RYR3: variants seen among roughly 807,000 people sequenced by gnomAD.
The protein encoded by RYR3 is ryanodine receptor 3.
Under a neutral mutation model 584.3 loss-of-function variants are expected in RYR3, and 207 were observed. The observed-to-expected ratio is 0.35, with a 90% CI of 0.32 to 0.40. RYR3 has a LOEUF of 0.40. Ranked by LOEUF, RYR3 falls within the 10% of genes least tolerant of loss-of-function variation. RYR3 has a pLI of 1.00. For synonymous variants in RYR3, 2,416 were observed against 2,248.5 expected, an observed-to-expected ratio of 1.07 and a Z score of -2.11; for missense variants, 5,616 against 6,089.2, an observed-to-expected ratio of 0.92 and a Z score of 2.59.
chr15:33,407,267 A>C (rs1421867191), intron 1 of RYR3, among the ~76,000 whole-genome samples: 2 of 152,256 alleles, frequency 1.3e-5, no homozygotes, highest in African/African-American at 4.8e-5. Flanking sequence ...TGGAGAGGAC[A>C]TAATTGTTCC....
rs542531593 is a variant in RYR3, at chr15:33,432,083, G to C, written c.52-41336G>C. Among the ~76,000 whole-genome samples, 4 of 152,150 alleles carry C rather than the reference G, an allele frequency of 2.6e-5. No individual in the cohort carries two copies. The East Asian group carries it at 7.7e-4, about 29-fold the overall frequency. ...GGCTACTCACAAAATGCTGGCTCTT[G>C]TTTGACTCATAGATGTCTTACAAAT... On this transcript the variant is annotated intron_variant, in intron 1 of 103. Transcript: ENST00000634891.
At chr15:33,471,416 C>CT (rs937724572) in intron 1 of RYR3, among the ~76,000 whole-genome samples, 2 of 151,956 alleles carry the variant, frequency 1.3e-5, no homozygotes, top group Non-Finnish European at 2.9e-5. Flanking sequence ...TGGGATGTGA[C>CT]TTATAGGATG....
intron 16 of RYR3, among the ~76,000 whole-genome samples, chr15:33,589,199 C>T (rs183973331): frequency 1.1e-4 from 17 of 152,294 alleles, no homozygotes; most frequent in South Asian, 8.3e-4. Context: ...GTTTGCACTT[C>T]GCTGATGATT....
chr15:33,487,632 G>A (rs1308722998), intron 2 of RYR3, among the ~76,000 whole-genome samples: 1 of 152,152 alleles, frequency 6.6e-6, no homozygotes, highest in Non-Finnish European at 1.5e-5. Flanking sequence ...CTGTGGTGAG[G>A]TTCTATGGGG....
chr15:33,823,686 A>T (rs1444637659), intron 81 of RYR3, among the ~76,000 whole-genome samples: 1 of 152,214 alleles, frequency 6.6e-6, no homozygotes, highest in Non-Finnish European at 1.5e-5. Context: ...TGGCTCTGAC[A>T]CATAAATAAT....
intron 1 of RYR3, among the ~76,000 whole-genome samples, chr15:33,436,144 T>G (rs1432366012): frequency 2.0e-5 from 3 of 152,222 alleles, no homozygotes. Flanking sequence ...GCAAGTTATA[T>G]TTCAAGGTTG....
intron 50 of RYR3, among the ~76,000 whole-genome samples, chr15:33,739,224 A>T (rs1243229692): frequency 6.6e-6 from 1 of 152,180 alleles, no homozygotes; most frequent in Admixed American, 6.5e-5. Flanking sequence ...TTCTTAGAGA[A>T]ATCTAGAACA....
At position 33,831,202 on chromosome 15, in the gene RYR3, C is replaced by T. The variant is rs1013911771; in HGVS notation, c.11463+111C>T. Reference sequence around the variant, plus strand: ...GTACACAGTGCACTATCCATCCAGCCCTAATGCTGACAATTTTTATTTTCT... The same window carrying T: ...GTACACAGTGCACTATCCATCCAGCTCTAATGCTGACAATTTTTATTTTCT... On this transcript the variant is annotated intron_variant, in intron 86 of 103. Transcript: ENST00000634891. The T allele has an allele frequency of 3.1e-6, 3 of 980,754 alleles. No homozygotes were observed. The African/African-American group carries it at 5.0e-5, about 16-fold the overall frequency. 60.8% of individuals were successfully genotyped at this position (980,754 alleles called of 1,614,324 possible).
intron 15 of RYR3, 118 bp from the exon 16 acceptor site, chr15:33,585,880 A>G (rs1328864338): frequency 3.2e-6 from 2 of 627,114 alleles, no homozygotes; most frequent in Non-Finnish European, 5.7e-6. Flanking sequence ...TGATAGATTC[A>G]AAGAATTGAC....
intron 1 of RYR3, among the ~76,000 whole-genome samples, chr15:33,325,215 A>G (rs1444972363): frequency 1.3e-5 from 2 of 152,162 alleles, no homozygotes; most frequent in East Asian, 1.9e-4. Flanking sequence ...TTTAAATCCT[A>G]TAGTCTGTAC....
At chr15:33,449,071 T>TC (rs1198180462) in intron 1 of RYR3, among the ~76,000 whole-genome samples, 1 of 152,186 alleles carries the variant, frequency 6.6e-6, no homozygotes, top group African/African-American at 2.4e-5. Context: ...TGGCAAGTTA[T>TC]CCCCAAACTT....
chr15:33,582,608 A>G (rs2058650274), intron 14 of RYR3, among the ~76,000 whole-genome samples: 1 of 152,174 alleles, frequency 6.6e-6, no homozygotes, highest in South Asian at 2.1e-4. Flanking sequence ...AGGGTCAGTT[A>G]TTATTATTAC....
intron 48 of RYR3, 114 bp downstream of exon 48, chr15:33,731,808 T>C: frequency 1.4e-6 from 1 of 724,776 alleles, no homozygotes; most frequent in Non-Finnish European, 2.4e-6. Flanking sequence ...GCCATTGTCA[T>C]ACACCAGCCC....
At chr15:33,325,008 C>G (rs1311142589) in intron 1 of RYR3, among the ~76,000 whole-genome samples, 1 of 152,114 alleles carries the variant, frequency 6.6e-6, no homozygotes, top group East Asian at 1.9e-4. Flanking sequence ...TGGGATATTT[C>G]TAGATTCTTC....
chr15:33,826,780 G>A, intron 84 of RYR3, 28 bp downstream of exon 84: 2 of 1,452,638 alleles, frequency 1.4e-6, no homozygotes, highest in Non-Finnish European at 1.8e-6. Context: ...ATCTGCCAAG[G>A]AAACACAGCA....
At chr15:33,357,058 G>C (rs1446887617) in intron 1 of RYR3, among the ~76,000 whole-genome samples, 1 of 152,072 alleles carries the variant, frequency 6.6e-6, no homozygotes, top group Admixed American at 6.5e-5. Flanking sequence ...TATCTCACCT[G>C]CTTTCCCTGC....
intron 1 of RYR3, among the ~76,000 whole-genome samples, chr15:33,388,074 C>T (rs2041748523): frequency 6.6e-6 from 1 of 152,092 alleles, no homozygotes; most frequent in African/African-American, 2.4e-5. Context: ...ATGTTCTGAA[C>T]ACCTGGGATA....
At chr15:33,333,252 C>G (rs1970578402) in intron 1 of RYR3, among the ~76,000 whole-genome samples, 1 of 151,858 alleles carries the variant, frequency 6.6e-6, no homozygotes. Flanking sequence ...GGCAGAGATA[C>G]AATAAAAAAG....
chr15:33,786,474 TTTG>T (rs1938694012), intron 66 of RYR3, among the ~76,000 whole-genome samples: 2 of 152,180 alleles, frequency 1.3e-5, no homozygotes, highest in African/African-American at 4.8e-5. Flanking sequence ...GTAGTGGCAC[TTTG>T]TTGTTTTTTT....
Sources: allele counts gnomAD v4.1 joint callset (sites outside exome capture counted in the v4.1 genomes callset), GRCh38; gene constraint gnomAD v4.1.1; transcripts MANE v1.5; gene names NCBI Gene and HGNC (gene_info 2026-07-23, HGNC 2026-07-21).